COL25A1: variants seen among roughly 807,000 people sequenced by gnomAD.
The protein encoded by COL25A1 is collagen type XXV alpha 1 chain, also known as collagen alpha-1(XXV) chain.
COL25A1 carries 103 observed loss-of-function variants against 128.4 expected under a neutral mutation model. The observed-to-expected ratio is 0.80, with a 90% confidence interval of 0.68 to 0.94. The LOEUF is 0.94. Ranked by LOEUF, COL25A1 falls within the 40% of genes least tolerant of loss-of-function variation. The probability of loss-of-function intolerance (pLI) is 0.00; values close to 1 mark genes in which losing one functional copy is unlikely to be tolerated. For synonymous variants in COL25A1, 279 were observed against 277.2 expected (o/e 1.01, Z -0.06); for missense variants, 745 against 840.0 (o/e 0.89, Z 1.40).
chr4:109,050,017 A>C lies in COL25A1; in HGVS notation c.412+118T>G. On this transcript the variant is annotated intron_variant, in intron 4 of 37. Coordinates refer to ENST00000399132, the MANE Select transcript of COL25A1 (RefSeq NM_198721.4). ...AAATACAACTAGGTCTAGCAGAGAA[A>C]GATTTAAACACACACATATAACCTC... 3 of 692,018 alleles carry C rather than the reference A, an allele frequency of 4.3e-6. No individual in the cohort carries two copies. The South Asian group carries it at 7.6e-5, about 18-fold the overall frequency. The allele number at this position is 692,018 out of a possible 1,614,324, so 42.9% of individuals were successfully genotyped here. A position where few individuals can be genotyped will look rare whatever the true frequency, so the allele number is the denominator to read the frequency against.
intron 3 of COL25A1, among the ~76,000 whole-genome samples, chr4:109,065,542 G>A (rs998769774): frequency 8.2e-5 from 11 of 133,434 alleles, no homozygotes; most frequent in Admixed American, 5.4e-4. Flanking sequence ...ACGCGCGCGC[G>A]CGCGTGTGTG....
rs1578707336 is a variant in COL25A1 at position 108,901,177 on chromosome 4, A to G, written c.781-5T>C. On this transcript the variant is annotated splice_region_variant and splice_polypyrimidine_tract_variant and intron_variant, in intron 13 of 37. Transcript: ENST00000399132. The stretch of plus-strand genomic sequence containing the variant: ...TCCAGGCAACCCGGGCTCACCCTCA[A>G]AATAGAAAAATAGATACTACTAAGT... 1.2e-6 allele frequency: 2 copies of G among 1,601,258 alleles called. No individual in the cohort carries two copies. The highest frequency in any genetic ancestry group is 1.7e-5 in the Admixed American group (1 of 59,938).
At chr4:109,236,601 A>C (rs774339024) in intron 3 of COL25A1, among the ~76,000 whole-genome samples, 6 of 152,098 alleles carry the variant, frequency 3.9e-5, no homozygotes, top group Non-Finnish European at 7.4e-5. Flanking sequence ...ACTGCTAAAT[A>C]TTGTTTATAT....
At chr4:109,210,812 T>A (rs1013306024) in intron 3 of COL25A1, among the ~76,000 whole-genome samples, 16 of 152,096 alleles carry the variant, frequency 1.1e-4, no homozygotes, top group Admixed American at 9.2e-4. Flanking sequence ...AAATGTGGTA[T>A]ATATACAGCA....
intron 3 of COL25A1, 136 bp downstream of exon 3, chr4:109,300,445 GAC>G (rs1336340060): frequency 3.2e-6 from 2 of 620,406 alleles, no homozygotes; most frequent in Admixed American, 5.6e-5. Flanking sequence ...TTTTGAATGA[GAC>G]ATGTTGATTT....
At chr4:109,134,764 T>G (rs1234230703) in intron 3 of COL25A1, among the ~76,000 whole-genome samples, 2 of 152,116 alleles carry the variant, frequency 1.3e-5, no homozygotes, top group South Asian at 2.1e-4. Flanking sequence ...AAGTTTGAAG[T>G]CTGAGATGCC....
At chr4:109,212,878 C>T (rs1430070963) in intron 3 of COL25A1, among the ~76,000 whole-genome samples, 3 of 152,144 alleles carry the variant, frequency 2.0e-5, no homozygotes, top group African/African-American at 7.2e-5. Flanking sequence ...TATCTGTCTT[C>T]TGCGGCAGAA....
At chr4:109,019,702 C>T (rs3108327) in intron 5 of COL25A1, among the ~76,000 whole-genome samples, 77,089 of 151,770 alleles carry the variant, frequency 0.51, 22,256 homozygotes, top group African/African-American at 0.78. Context: ...TCCCTTGACA[C>T]GTGGGGATTA....
At chr4:109,177,188 T>C (rs976424261) in intron 3 of COL25A1, among the ~76,000 whole-genome samples, 2 of 152,180 alleles carry the variant, frequency 1.3e-5, no homozygotes, top group Admixed American at 1.3e-4. Flanking sequence ...TGGTAGAGTC[T>C]GTATTGGCCT....
chr4:108,885,959 G>C (rs535831643), intron 18 of COL25A1, among the ~76,000 whole-genome samples: 1 of 152,078 alleles, frequency 6.6e-6, no homozygotes, highest in African/African-American at 2.4e-5. Context: ...ATTTAAACAC[G>C]CATGCATACA....
In COL25A1 at chr4:109,054,041, C is replaced by T. The variant is rs181092576; in HGVS notation, c.368-3862G>A. Among the ~76,000 whole-genome samples, 164 of 152,278 alleles carry T rather than the reference C, an allele frequency of 1.1e-3. 2 individuals carry two copies. The highest frequency in any genetic ancestry group is 1.9e-3 in the Non-Finnish European group (126 of 68,018). ...ACACAGGTCATTAGATAATAAATTC[C>T]TGACTGAATGGAGGAGGTAATTAAT... On this transcript the variant is annotated intron_variant, in intron 3 of 37. Transcript: ENST00000399132.
chr4:108,824,098 A>G (rs201669501), intron 35 of COL25A1, 76 bp downstream of exon 35: 688 of 1,613,838 alleles, frequency 4.3e-4, no homozygotes, highest in Non-Finnish European at 5.6e-4. Flanking sequence ...TGTCAAATGG[A>G]ATCACACAAG....
chr4:109,138,987 A>G (rs1770110333), intron 3 of COL25A1, among the ~76,000 whole-genome samples: 1 of 152,120 alleles, frequency 6.6e-6, no homozygotes, highest in Non-Finnish European at 1.5e-5. Flanking sequence ...GATTACACGC[A>G]TGAGCCACCA....
intron 5 of COL25A1, among the ~76,000 whole-genome samples, chr4:109,047,857 C>G (rs1047465016): frequency 1.4e-4 from 21 of 151,364 alleles, no homozygotes; most frequent in African/African-American, 5.1e-4. Context: ...CTCAGCCGCC[C>G]GAGTAGCTGG....
intron 19 of COL25A1, among the ~76,000 whole-genome samples, chr4:108,875,875 T>C (rs995541074): frequency 2.6e-5 from 4 of 152,130 alleles, no homozygotes; most frequent in African/African-American, 9.7e-5. Context: ...TGGAATACTA[T>C]GCCGCCATAA....
rs1357197026 is a variant in COL25A1, at chr4:109,254,469, T to TTTTATATACA, written c.367+46113_367+46114insTGTATATAAA. Among the ~76,000 whole-genome samples, 6 of 59,582 alleles carry TTTTATATACA rather than the reference T, an allele frequency of 1.0e-4. No individual in the cohort carries two copies. The East Asian group carries it at 3.8e-3, about 38-fold the overall frequency. 39.1% of individuals were successfully genotyped at this position (59,582 alleles called of 152,430 possible). Reference sequence around the variant, plus strand: ...GTGCTATGTACATGTAGGCATATGTTTATATATATATATATATATATATAT... The same window carrying TTTTATATACA: ...GTGCTATGTACATGTAGGCATATGTTTTTATATACATATATATATATATATATATATATAT... On this transcript the variant is annotated intron_variant, in intron 3 of 37. Transcript: ENST00000399132.
At chr4:109,078,840 G>A (rs1763599487) in intron 3 of COL25A1, among the ~76,000 whole-genome samples, 1 of 152,164 alleles carries the variant, frequency 6.6e-6, no homozygotes, top group Non-Finnish European at 1.5e-5. Flanking sequence ...CACCTTCCTG[G>A]TATGATTAGC....
At chr4:109,011,778 C>T (rs536765516) in intron 5 of COL25A1, among the ~76,000 whole-genome samples, 1 of 152,340 alleles carries the variant, frequency 6.6e-6, no homozygotes, top group East Asian at 1.9e-4. Flanking sequence ...CAGACTTGTT[C>T]AGATCAACTA....
At chr4:109,259,795 T>A (rs573708029) in intron 3 of COL25A1, among the ~76,000 whole-genome samples, 1 of 152,364 alleles carries the variant, frequency 6.6e-6, no homozygotes, top group African/African-American at 2.4e-5. Context: ...TTTCCATTTT[T>A]TATACCTATC....
Sources: gnomAD v4.1 joint callset for allele counts (sites outside exome capture counted in the v4.1 genomes callset) on GRCh38, gnomAD v4.1.1 for gene constraint, MANE v1.5 for transcripts, NCBI Gene and HGNC (gene_info 2026-07-23, HGNC 2026-07-21) for gene names.